The following NELL2 variants were observed in gnomAD, a reference collection of about 807,000 sequenced individuals.
NELL2 encodes protein kinase C-binding protein NELL2.
Under a neutral mutation model 109.6 loss-of-function variants are expected in NELL2, and 41 were observed. The ratio of observed to expected loss-of-function variants is 0.37; its 90% CI spans 0.29 to 0.49. NELL2 has a LOEUF of 0.49. Among genes scored for constraint, NELL2 ranks in the 20% least tolerant of loss-of-function variants. The pLI is 0.98. For synonymous variants in NELL2, 355 were observed against 344.7 expected, an observed-to-expected ratio of 1.03 and a Z score of -0.33; for missense variants, 900 against 1,008.3, an observed-to-expected ratio of 0.89 and a Z score of 1.45.
At chr12:44,697,813 G>T (rs1220779937) in intron 12 of NELL2, among the ~76,000 whole-genome samples, 1 of 152,138 alleles carries the variant, frequency 6.6e-6, no homozygotes, top group South Asian at 2.1e-4. Flanking sequence ...TTCTAGGACT[G>T]CCATAATAAA....
At chr12:44,899,473 G>A (rs2710436) in intron 1 of NELL2, among the ~76,000 whole-genome samples, 20,483 of 152,048 alleles carry the variant, frequency 0.13, 1,448 homozygotes, top group East Asian at 0.22. Context: ...ATTCTTAAGG[G>A]AAAGAATTTT....
intron 1 of NELL2, among the ~76,000 whole-genome samples, chr12:44,905,552 A>T (rs1945710243): frequency 6.6e-6 from 1 of 152,122 alleles, no homozygotes; most frequent in Non-Finnish European, 1.5e-5. Flanking sequence ...AAACATAAGC[A>T]TGGGAAAATA....
At chr12:44,628,995 G>C (rs1217907454) in intron 13 of NELL2, among the ~76,000 whole-genome samples, 1 of 152,146 alleles carries the variant, frequency 6.6e-6, no homozygotes, top group Non-Finnish European at 1.5e-5. Context: ...TAGAATAACT[G>C]TATAATATCA....
chr12:44,816,369 CA>C (rs1221532796), intron 2 of NELL2, among the ~76,000 whole-genome samples: 1 of 151,886 alleles, frequency 6.6e-6, no homozygotes, highest in Non-Finnish European at 1.5e-5. Flanking sequence ...AATCTTTTTT[CA>C]AAAATGTCAC....
At chr12:44,526,832 G>T (rs1237680748) in intron 16 of NELL2, among the ~76,000 whole-genome samples, 2 of 152,222 alleles carry the variant, frequency 1.3e-5, no homozygotes, top group African/African-American at 4.8e-5. Flanking sequence ...GGGCTGTTCA[G>T]TAAGTAGTTG....
intron 9 of NELL2, among the ~76,000 whole-genome samples, chr12:44,724,270 C>T (rs986617173): frequency 1.3e-5 from 2 of 150,670 alleles, no homozygotes; most frequent in Non-Finnish European, 3.0e-5. Flanking sequence ...AGGGTGTGGG[C>T]TAAAGAACCA....
At chr12:44,872,581 A>G (rs1383650801) in intron 2 of NELL2, among the ~76,000 whole-genome samples, 1 of 152,198 alleles carries the variant, frequency 6.6e-6, no homozygotes. Flanking sequence ...GCAATATTAA[A>G]TGAGCAAAAA....
chr12:44,527,243 C>G (rs1941826328), intron 16 of NELL2, among the ~76,000 whole-genome samples: 1 of 152,074 alleles, frequency 6.6e-6, no homozygotes, highest in Non-Finnish European at 1.5e-5. Flanking sequence ...GTTCAAAAAA[C>G]TTCACCAAAC....
intron 15 of NELL2, among the ~76,000 whole-genome samples, chr12:44,555,297 T>C (rs1248192198): frequency 6.6e-6 from 1 of 152,196 alleles, no homozygotes; most frequent in Non-Finnish European, 1.5e-5. Flanking sequence ...TACAGGTTCA[T>C]TATGCATCTC....
chr12:44,633,851 A>G (rs1359842164), intron 13 of NELL2, among the ~76,000 whole-genome samples: 1 of 152,122 alleles, frequency 6.6e-6, no homozygotes, highest in Non-Finnish European at 1.5e-5. Flanking sequence ...TTGTTGGTTT[A>G]AAAGAGCTTC....
chr12:44,555,388 G>C (rs1252365489), intron 15 of NELL2, among the ~76,000 whole-genome samples: 1 of 152,160 alleles, frequency 6.6e-6, no homozygotes, highest in Non-Finnish European at 1.5e-5. Context: ...CATGCTCCTA[G>C]AGTAGGGAGT....
At chr12:44,840,515 T>A (rs1328654094) in intron 2 of NELL2, among the ~76,000 whole-genome samples, 1 of 151,972 alleles carries the variant, frequency 6.6e-6, no homozygotes, top group Non-Finnish European at 1.5e-5. Flanking sequence ...TGGGCGCCTG[T>A]AGTGCCAGCT....
chr12:44,616,214 C>T (rs898833122), intron 13 of NELL2, among the ~76,000 whole-genome samples: 19 of 152,134 alleles, frequency 1.2e-4, no homozygotes, highest in Non-Finnish European at 2.5e-4. Context: ...AGCCCACTAC[C>T]CTCAGAGAAA....
chr12:44,624,020 G>T (rs1946150077), intron 13 of NELL2, among the ~76,000 whole-genome samples: 2 of 152,074 alleles, frequency 1.3e-5, no homozygotes, highest in Non-Finnish European at 2.9e-5. Flanking sequence ...AGCATTAGGA[G>T]AAATATCTAA....
chr12:44,891,477 G>A lies in NELL2; in HGVS notation c.39-15577C>T, dbSNP rs185726804. Among the ~76,000 whole-genome samples, 9 of 152,280 alleles carry A rather than the reference G, an allele frequency of 5.9e-5. No homozygotes were observed. In the East Asian group the frequency reaches 7.7e-4, roughly 13 times the overall value. On this transcript the variant is annotated intron_variant, in intron 1 of 20. Coordinates refer to the NELL2 transcript ENST00000333837. The stretch of plus-strand genomic sequence containing the variant: ...TCAGAAACTACCACTGCTGGAGCTC[G>A]GACCCAATGGGGCCATGTTCCTTAC...
At chr12:44,873,815 T>C (rs1945234906) in intron 2 of NELL2, among the ~76,000 whole-genome samples, 3 of 152,012 alleles carry the variant, frequency 2.0e-5, no homozygotes, top group South Asian at 4.1e-4. Context: ...GCTGACAATG[T>C]AGCCTTATCT....
rs2136685094 is a variant in NELL2, at chr12:44,816,032, G to A, written c.289C>T (p.His97Tyr). Reference protein sequence around the residue: ...FTILVTLKQTHLNSGVILSIH... With the variant: ...FTILVTLKQTYLNSGVILSIH... ...GAGAGAATAACTCCTGAATTTAAGT[G>A]GGTCTGTTTTAGGGTCACCAAAATA... Residue 97 changes from histidine to tyrosine, a missense_variant, in exon 3 of 20, where the codon CAC (histidine) becomes TAC (tyrosine). His to Tyr is a moderately conservative substitution (Grantham distance 83). Around this residue, in one of 4 missense-constraint regions of NELL2, gnomAD observed 200 missense variants for 191.8 expected, o/e 1.04. Coordinates refer to ENST00000429094, the MANE Select transcript of NELL2 (RefSeq NM_001145108.2). 6.2e-7 allele frequency: 1 copy of A among 1,612,904 alleles called. No individual in the cohort carries two copies. The highest frequency in any genetic ancestry group is 8.5e-7 in the Non-Finnish European group (1 of 1,179,728).
intron 15 of NELL2, among the ~76,000 whole-genome samples, chr12:44,588,024 A>G (rs12296478): frequency 1.4e-4 from 22 of 151,754 alleles, no homozygotes; most frequent in African/African-American, 2.2e-4. Context: ...GGTGGCGGGC[A>G]CCTGTAGTCC....
At chr12:44,655,940 T>A (rs567234526) in intron 13 of NELL2, among the ~76,000 whole-genome samples, 1 of 152,210 alleles carries the variant, frequency 6.6e-6, no homozygotes, top group Non-Finnish European at 1.5e-5. Flanking sequence ...AATTTCCTGA[T>A]AGTTTGCAAT....
Sources: allele counts gnomAD v4.1 joint callset (sites outside exome capture counted in the v4.1 genomes callset), GRCh38; gene constraint gnomAD v4.1.1; regional missense constraint gnomAD v4.1.1; transcripts MANE v1.5; gene names NCBI Gene and HGNC (gene_info 2026-07-23, HGNC 2026-07-21).